Variants in SCARA5 observed in about 807,000 individuals in gnomAD.
SCARA5 encodes scavenger receptor class A, member 5 (putative).
A neutral mutation model predicts 46.3 loss-of-function variants in SCARA5; 45 were observed. That is an observed-to-expected ratio of 0.97 (90% confidence interval 0.76 to 1.24). SCARA5 has a LOEUF of 1.24. SCARA5 is among the 50% of genes most tolerant of loss of function. The pLI is 0.00. For synonymous variants in SCARA5, 333 were observed against 306.5 expected (o/e 1.09, Z -0.90); for missense variants, 680 against 689.0 (o/e 0.99, Z 0.15).
chr8:27,881,492 T>G (rs1482556408), intron 7 of SCARA5, among the ~76,000 whole-genome samples: 1 of 86,496 alleles, frequency 1.2e-5, no homozygotes, highest in Non-Finnish European at 2.1e-5. Flanking sequence ...AAGTGGGAGC[T>G]AAACACAGGG....
intron 4 of SCARA5, among the ~76,000 whole-genome samples, chr8:27,918,026 A>G (rs889595633): frequency 2.0e-5 from 3 of 152,190 alleles, no homozygotes; most frequent in Admixed American, 2.0e-4. Flanking sequence ...ATTGAGTCTC[A>G]GTTATGTGCA....
intron 3 of SCARA5, among the ~76,000 whole-genome samples, chr8:27,949,941 G>T (rs1341804345): frequency 6.6e-6 from 1 of 152,236 alleles, no homozygotes; most frequent in Non-Finnish European, 1.5e-5. Flanking sequence ...TGGCCTTGCT[G>T]ATGGTGCTGC....
intron 7 of SCARA5, among the ~76,000 whole-genome samples, chr8:27,901,609 T>C (rs2685372): frequency 0.53 from 79,909 of 151,694 alleles, 22,752 homozygotes; most frequent in Non-Finnish European, 0.63. Context: ...CCTGGAAACA[T>C]AAGCAGGAGG....
intron 2 of SCARA5, among the ~76,000 whole-genome samples, chr8:27,977,716 C>T (rs1808547827): frequency 6.6e-6 from 1 of 152,266 alleles, no homozygotes; most frequent in African/African-American, 2.4e-5. Context: ...TGCTCCTCCC[C>T]TCCCGGGATC....
At chr8:27,952,867 C>T (rs2685414) in intron 3 of SCARA5, among the ~76,000 whole-genome samples, 33,920 of 152,160 alleles carry the variant, frequency 0.22, 3,985 homozygotes, top group Non-Finnish European at 0.26. Context: ...TGGAACCAAG[C>T]ACAGGCCAAG....
chr8:27,877,317 A>G (rs1806741212), intron 8 of SCARA5, among the ~76,000 whole-genome samples: 1 of 152,316 alleles, frequency 6.6e-6, no homozygotes, highest in South Asian at 2.1e-4. Context: ...GGGCAAAAAA[A>G]TAGGGCATTC....
chr8:27,897,627 G>A (rs936191183), intron 7 of SCARA5, among the ~76,000 whole-genome samples: 2 of 152,228 alleles, frequency 1.3e-5, no homozygotes, highest in African/African-American at 2.4e-5. Context: ...AGGGAAGGGC[G>A]GCACCGCAGG....
At chr8:27,968,576 A>G (rs1254783876) in intron 2 of SCARA5, among the ~76,000 whole-genome samples, 1 of 152,326 alleles carries the variant, frequency 6.6e-6, no homozygotes, top group South Asian at 2.1e-4. Context: ...AACTTACCAG[A>G]GAAAACTCTG....
intron 5 of SCARA5, among the ~76,000 whole-genome samples, chr8:27,908,439 T>C (rs1450716418): frequency 1.3e-5 from 2 of 152,230 alleles, no homozygotes; most frequent in Non-Finnish European, 2.9e-5. Context: ...TAGTTATCTC[T>C]GCAAAGCAGA....
intron 6 of SCARA5, among the ~76,000 whole-genome samples, chr8:27,905,767 G>A (rs1285264005): frequency 6.7e-6 from 1 of 149,604 alleles, no homozygotes; most frequent in Non-Finnish European, 1.5e-5. Flanking sequence ...CGGGAGTGCA[G>A]TGGTGCAATC....
intron 7 of SCARA5, among the ~76,000 whole-genome samples, chr8:27,884,746 C>T (rs763072700): frequency 6.6e-6 from 1 of 152,210 alleles, no homozygotes; most frequent in Non-Finnish European, 1.5e-5. Flanking sequence ...GACTGAGAGT[C>T]TATCAGACAG....
rs1467794250 is a variant in SCARA5 at position 27,918,923 on chromosome 8, GAGGAAGATGAGA to G, written c.916+2636_916+2647del. ...AGAGGAGGAGGAAGGGAAGGAGGAG[GAGGAAGATGAGA>G]AGGAGGGGAAGGAGGAGGAGGAGAA... On this transcript the variant is annotated intron_variant, in intron 4 of 8. Coordinates refer to ENST00000354914, the MANE Select transcript of SCARA5 (RefSeq NM_173833.6). 1.3e-3 allele frequency among the ~76,000 whole-genome samples: 14 copies of G among 10,392 alleles called. 6 individuals carry two copies. Among genetic ancestry groups the G allele is most frequent in the Admixed American group, 2.8e-3 (3 of 1,086 alleles). 6.8% of individuals were successfully genotyped at this position (10,392 alleles called of 152,430 possible).
intron 3 of SCARA5, among the ~76,000 whole-genome samples, chr8:27,928,667 T>C (rs1462004842): frequency 6.6e-6 from 1 of 152,158 alleles, no homozygotes; most frequent in Admixed American, 6.5e-5. Flanking sequence ...TTCTTTTTTT[T>C]TCTTTCTTTC....
At chr8:27,894,741 A>T (rs1217142495) in intron 7 of SCARA5, among the ~76,000 whole-genome samples, 1 of 152,204 alleles carries the variant, frequency 6.6e-6, no homozygotes, top group Admixed American at 6.5e-5. Context: ...ATCCTGCACC[A>T]TGATTCCCTC....
intron 4 of SCARA5, among the ~76,000 whole-genome samples, chr8:27,912,617 G>A: frequency 6.6e-6 from 1 of 152,256 alleles, no homozygotes; most frequent in East Asian, 1.9e-4. Flanking sequence ...GGAACTGGGA[G>A]AGGGTACCTA....
intron 1 of SCARA5, among the ~76,000 whole-genome samples, chr8:27,988,300 C>G (rs1808735333): frequency 6.6e-6 from 1 of 152,146 alleles, no homozygotes; most frequent in Non-Finnish European, 1.5e-5. Flanking sequence ...CAGCTTTAGG[C>G]CAGGGAGGGC....
At chr8:27,923,900 C>T (rs959423013) in intron 3 of SCARA5, among the ~76,000 whole-genome samples, 1 of 152,158 alleles carries the variant, frequency 6.6e-6, no homozygotes, top group African/African-American at 2.4e-5. Flanking sequence ...TCCTCTATTT[C>T]CTCTTCAGCA....
At chr8:27,881,264 T>C (rs1249437368) in intron 7 of SCARA5, among the ~76,000 whole-genome samples, 2 of 152,214 alleles carry the variant, frequency 1.3e-5, no homozygotes, top group African/African-American at 4.8e-5. Context: ...TGCAGAACTA[T>C]TCACAATAGC....
chr8:27,931,526 T>C (rs902343803), intron 3 of SCARA5, among the ~76,000 whole-genome samples: 25 of 152,162 alleles, frequency 1.6e-4, no homozygotes, highest in Non-Finnish European at 3.7e-4. Flanking sequence ...GATAGGGCTC[T>C]AGGCACCTAT....
Sources: gnomAD v4.1 joint callset for allele counts (sites outside exome capture counted in the v4.1 genomes callset) on GRCh38, gnomAD v4.1.1 for gene constraint, MANE v1.5 for transcripts, NCBI Gene and HGNC (gene_info 2026-07-23, HGNC 2026-07-21) for gene names.